Variants in ATG5 observed in about 807,000 individuals in gnomAD.
ATG5 encodes autophagy protein 5.
In ATG5, 14 loss-of-function variants were observed where a neutral mutation model predicts 36.5. The observed-to-expected ratio is 0.38, with a 90% CI of 0.25 to 0.60. ATG5 has a LOEUF of 0.60. ATG5 is among the 20% of genes least tolerant of loss of function. The pLI, the probability that ATG5 is intolerant of heterozygous loss-of-function variation, is 0.60. For synonymous variants in ATG5, 95 were observed against 101.5 expected (o/e 0.94, Z 0.38); for missense variants, 195 against 326.7 (o/e 0.60, Z 3.11).
intron 4 of ATG5, among the ~76,000 whole-genome samples, chr6:106,286,789 G>A (rs1228003937): frequency 6.6e-6 from 1 of 152,188 alleles, no homozygotes; most frequent in Non-Finnish European, 1.5e-5. Context: ...GGTCAATGCA[G>A]CTTATTACTG....
chr6:106,296,827 A>C (rs76614932), intron 3 of ATG5, among the ~76,000 whole-genome samples: 2 of 152,216 alleles, frequency 1.3e-5, no homozygotes, highest in African/African-American at 2.4e-5. Flanking sequence ...CAGAAAAAAG[A>C]AAAAAGCAAG....
At chr6:106,259,264 T>G (rs938552989) in intron 5 of ATG5, among the ~76,000 whole-genome samples, 1 of 152,210 alleles carries the variant, frequency 6.6e-6, no homozygotes, top group African/African-American at 2.4e-5. Flanking sequence ...GGACTAAATA[T>G]TATTGTTTTA....
chr6:106,229,398 GA>G (rs1777580294), intron 6 of ATG5, among the ~76,000 whole-genome samples: 1 of 151,936 alleles, frequency 6.6e-6, no homozygotes, highest in Admixed American at 6.6e-5. Flanking sequence ...AAGAGACAGT[GA>G]GAGACAGACA....
intron 6 of ATG5, among the ~76,000 whole-genome samples, chr6:106,221,047 A>G (rs1367601703): frequency 6.6e-6 from 1 of 152,216 alleles, no homozygotes; most frequent in Non-Finnish European, 1.5e-5. Flanking sequence ...GTAAATTAGG[A>G]AACTAAAGCC....
chr6:106,233,615 C>T (rs956320196), intron 6 of ATG5, among the ~76,000 whole-genome samples: 2 of 152,070 alleles, frequency 1.3e-5, no homozygotes, highest in African/African-American at 2.4e-5. Flanking sequence ...TGGGTAGTGG[C>T]GGCAGTAGCA....
intron 6 of ATG5, chr6:106,217,375 T>C (rs1777080723): frequency 6.6e-6 from 1 of 152,208 alleles, no homozygotes; most frequent in Admixed American, 6.6e-5. Flanking sequence ...TTTACTAAAA[T>C]ACATAATTTC....
chr6:106,227,993 A>C (rs1168018746), intron 6 of ATG5, among the ~76,000 whole-genome samples: 1 of 152,222 alleles, frequency 6.6e-6, no homozygotes, highest in Non-Finnish European at 1.5e-5. Flanking sequence ...ACAACTCAGA[A>C]CCTAAGCATA....
intron 6 of ATG5, among the ~76,000 whole-genome samples, chr6:106,219,182 A>T (rs1777150519): frequency 6.6e-6 from 1 of 152,202 alleles, no homozygotes; most frequent in Admixed American, 6.5e-5. Context: ...ACAAAATGTT[A>T]AGAGTAAGTA....
At chr6:106,210,074 C>T (rs1474362314) in intron 6 of ATG5, among the ~76,000 whole-genome samples, 1 of 152,166 alleles carries the variant, frequency 6.6e-6, no homozygotes, top group Non-Finnish European at 1.5e-5. Context: ...TTTAACCTTT[C>T]AACCTACTCT....
At chr6:106,262,753 A>G (rs1206346363) in intron 5 of ATG5, among the ~76,000 whole-genome samples, 2 of 152,192 alleles carry the variant, frequency 1.3e-5, no homozygotes, top group East Asian at 3.8e-4. Flanking sequence ...GATGTGCAAG[A>G]AGCCAGGGAG....
At chr6:106,317,552 A>AC (rs1400790981) in intron 1 of ATG5, among the ~76,000 whole-genome samples, 2 of 152,228 alleles carry the variant, frequency 1.3e-5, no homozygotes, top group Non-Finnish European at 2.9e-5. Flanking sequence ...ACATAAAAGT[A>AC]CTAGGCAACA....
rs547459181 is a variant in ATG5 at position 106,269,991 on chromosome 6, G to A, written c.478+9670C>T. On this transcript the variant is annotated intron_variant, in intron 5 of 7. Coordinates refer to ENST00000369076, the MANE Select transcript of ATG5 (RefSeq NM_004849.4). ...ATTAGTATAATCTGTATTGCACTGC[G>A]AAATAACTGCCTAAATGTTTCACCA... is the stretch of plus-strand genomic sequence containing the variant. 3.9e-5 allele frequency among the ~76,000 whole-genome samples: 6 copies of A among 152,298 alleles called. No homozygotes were observed. The South Asian group carries it at 1.2e-3, about 32-fold the overall frequency.
intron 6 of ATG5, among the ~76,000 whole-genome samples, chr6:106,219,952 C>T (rs927393612): frequency 6.6e-6 from 1 of 152,114 alleles, no homozygotes; most frequent in Non-Finnish European, 1.5e-5. Context: ...CTCTACCAAC[C>T]TGCTTATCCC....
In ATG5 at chr6:106,298,616, C is replaced by T. The variant is rs148260931; in HGVS notation, c.237-5510G>A. Among the ~76,000 whole-genome samples, 595 of 152,068 alleles carry T rather than the reference C, an allele frequency of 3.9e-3. 4 individuals are homozygous for T. Among genetic ancestry groups the T allele is most frequent in the Non-Finnish European group, 6.6e-3 (446 of 67,970 alleles). ...AAATATTATAAAAATGAATAATCAT[C>T]CTGTTATGATTTTTTAAAAATAAAA... On this transcript the variant is annotated intron_variant, in intron 3 of 7. Transcript: ENST00000369076.
At chr6:106,212,527 T>C (rs1254064199) in intron 6 of ATG5, among the ~76,000 whole-genome samples, 3 of 152,142 alleles carry the variant, frequency 2.0e-5, no homozygotes, top group Admixed American at 6.5e-5. Context: ...TAATCCCAGC[T>C]ACTCGGGAGG....
At chr6:106,322,391 G>A (rs1188346185) in intron 1 of ATG5, among the ~76,000 whole-genome samples, 4 of 152,260 alleles carry the variant, frequency 2.6e-5, no homozygotes, top group Non-Finnish European at 4.4e-5. Context: ...TAAACTAAGC[G>A]TGTAAACAGA....
At chr6:106,259,055 A>C (rs1778912848) in intron 5 of ATG5, among the ~76,000 whole-genome samples, 2 of 152,210 alleles carry the variant, frequency 1.3e-5, no homozygotes, top group Non-Finnish European at 2.9e-5. Flanking sequence ...CAAGGACAAT[A>C]ATGAGTGAAA....
chr6:106,237,352 G>T (rs967349849), intron 6 of ATG5, among the ~76,000 whole-genome samples: 5 of 152,068 alleles, frequency 3.3e-5, no homozygotes, highest in Admixed American at 6.6e-5. Context: ...GATCTCATAT[G>T]CAACTGCTAA....
chr6:106,242,671 G>C (rs1778176206), intron 6 of ATG5, among the ~76,000 whole-genome samples: 1 of 152,082 alleles, frequency 6.6e-6, no homozygotes, highest in African/African-American at 2.4e-5. Context: ...CTGGGAAACA[G>C]AATACATCCT....
Sources: gnomAD v4.1 joint callset for allele counts (sites outside exome capture counted in the v4.1 genomes callset) on GRCh38, gnomAD v4.1.1 for gene constraint, MANE v1.5 for transcripts, NCBI Gene and HGNC (gene_info 2026-07-23, HGNC 2026-07-21) for gene names.